The following SGCZ variants were observed in gnomAD, a reference collection of about 807,000 sequenced individuals.
The protein encoded by SGCZ is zeta-sarcoglycan.
SGCZ carries 40 observed loss-of-function variants against 41.3 expected under a neutral mutation model. The ratio of observed to expected loss-of-function variants is 0.97; its 90% CI spans 0.75 to 1.26. The LOEUF (loss-of-function observed/expected upper bound fraction) is 1.26, where lower values mean the gene tolerates loss of function less well. SGCZ is among the 50% of genes most tolerant of loss of function. SGCZ has a pLI of 0.00. For synonymous variants in SGCZ, 206 were observed against 137.5 expected (o/e 1.50, Z -3.49); for missense variants, 552 against 369.8 (o/e 1.49, Z -4.04).
intron 1 of SGCZ, among the ~76,000 whole-genome samples, chr8:15,174,918 T>C (rs1487768227): frequency 6.7e-6 from 1 of 150,162 alleles, no homozygotes; most frequent in Admixed American, 6.6e-5. Flanking sequence ...TTAATTCAAC[T>C]GTCATGGAAA....
intron 3 of SGCZ, among the ~76,000 whole-genome samples, chr8:14,266,174 T>C (rs986401868): frequency 3.3e-5 from 5 of 152,080 alleles, no homozygotes; most frequent in Admixed American, 2.6e-4. Flanking sequence ...TTAAGAGATA[T>C]CATAATCAAA....
chr8:14,768,203 T>G (rs1340340980), intron 1 of SGCZ, among the ~76,000 whole-genome samples: 1 of 152,222 alleles, frequency 6.6e-6, no homozygotes, highest in Non-Finnish European at 1.5e-5. Context: ...ATTTCTGACT[T>G]TATAAAATCC....
At chr8:15,014,905 G>C (rs576575355) in intron 1 of SGCZ, among the ~76,000 whole-genome samples, 13 of 152,276 alleles carry the variant, frequency 8.5e-5, no homozygotes, top group African/African-American at 3.1e-4. Context: ...GCAGCCTTCT[G>C]TAAAAACTAC....
chr8:14,784,397 G>T (rs767128027), intron 1 of SGCZ, among the ~76,000 whole-genome samples: 3 of 89,848 alleles, frequency 3.3e-5, no homozygotes, highest in African/African-American at 1.8e-4. Context: ...TTGATTTCAT[G>T]TCACATATAT....
At chr8:14,397,513 C>T (rs7816387) in intron 2 of SGCZ, among the ~76,000 whole-genome samples, 25,789 of 151,936 alleles carry the variant, frequency 0.17, 5,170 homozygotes, top group African/African-American at 0.48. Context: ...ATGTGAAAGA[C>T]GGAAGTAACT....
intron 3 of SGCZ, among the ~76,000 whole-genome samples, chr8:14,273,051 T>C (rs1038716769): frequency 6.6e-6 from 1 of 152,018 alleles, no homozygotes; most frequent in East Asian, 1.9e-4. Context: ...AGAAATTGTA[T>C]ACAAAATTTT....
chr8:14,918,160 C>A (rs549833424), intron 1 of SGCZ, among the ~76,000 whole-genome samples: 1 of 152,250 alleles, frequency 6.6e-6, no homozygotes, highest in African/African-American at 2.4e-5. Context: ...CCTCGTATTT[C>A]TTTCTTCTCC....
intron 1 of SGCZ, among the ~76,000 whole-genome samples, chr8:14,805,517 CA>C (rs963718861): frequency 7.3e-5 from 10 of 137,758 alleles, no homozygotes; most frequent in Non-Finnish European, 1.5e-4. Context: ...ATCAATTCAA[CA>C]AGAGGAGCTA....
chr8:14,251,946 G>A (rs772430773), intron 3 of SGCZ, among the ~76,000 whole-genome samples: 2 of 152,046 alleles, frequency 1.3e-5, no homozygotes, highest in Non-Finnish European at 2.9e-5. Flanking sequence ...CTGACCTTAG[G>A]TCATCCTCCC....
rs144744439 is a variant in SGCZ at position 14,283,454 on chromosome 8, A to C, written c.336+40649T>G. Among the ~76,000 whole-genome samples the C allele has an allele frequency of 9.6e-3, 1,460 of 152,030 alleles. 35 individuals carry two copies. Among genetic ancestry groups the C allele is most frequent in the African/African-American group, 0.033 (1,387 of 41,496 alleles). On this transcript the variant is annotated intron_variant, in intron 3 of 7. Coordinates refer to ENST00000382080, the MANE Select transcript of SGCZ (RefSeq NM_139167.4). Reference sequence around the variant, plus strand: ...TTCATTTCCTACTTAGAAAAATGTCATTATCCGTATGTGCTCTCGATTCTT... The same window carrying C: ...TTCATTTCCTACTTAGAAAAATGTCCTTATCCGTATGTGCTCTCGATTCTT...
chr8:15,074,625 C>T (rs1805465482), intron 1 of SGCZ, among the ~76,000 whole-genome samples: 1 of 152,098 alleles, frequency 6.6e-6, no homozygotes, highest in Non-Finnish European at 1.5e-5. Flanking sequence ...TCTCTCCTCT[C>T]CCACCATGAA....
intron 1 of SGCZ, among the ~76,000 whole-genome samples, chr8:15,020,762 T>C (rs920316252): frequency 6.6e-6 from 1 of 152,174 alleles, no homozygotes; most frequent in African/African-American, 2.4e-5. Flanking sequence ...TAATATACAG[T>C]GAAAAGTAGC....
rs529119572 is a variant in SGCZ, at chr8:14,459,424, T to A, written c.234+95308A>T. ...CTAAACCTTAAAGTATAATAAAAAATAAAATAAAAAATAAAAAAAGAAGAA... is the reference window on the plus strand; with the variant it reads ...CTAAACCTTAAAGTATAATAAAAAAAAAAATAAAAAATAAAAAAAGAAGAA... On this transcript the variant is annotated intron_variant, in intron 2 of 7. Coordinates refer to ENST00000382080, the MANE Select transcript of SGCZ (RefSeq NM_139167.4). Among the ~76,000 whole-genome samples the A allele has an allele frequency of 5.7e-3, 800 of 141,342 alleles. 5 individuals are homozygous for A. The highest frequency in any genetic ancestry group is 0.023 in the African/African-American group (742 of 31,818). 92.7% of individuals were successfully genotyped at this position (141,342 alleles called of 152,430 possible).
chr8:14,841,754 A>G (rs1289292064), intron 1 of SGCZ, among the ~76,000 whole-genome samples: 1 of 152,184 alleles, frequency 6.6e-6, no homozygotes, highest in Non-Finnish European at 1.5e-5. Flanking sequence ...ACATAAAATC[A>G]CAGAATATTA....
chr8:15,169,061 C>G (rs191483595), intron 1 of SGCZ, among the ~76,000 whole-genome samples: 2 of 152,274 alleles, frequency 1.3e-5, no homozygotes, highest in African/African-American at 4.8e-5. Flanking sequence ...TCTGTCTTTG[C>G]CTTCAGGCCA....
chr8:14,941,217 G>A (rs6991016), intron 1 of SGCZ, among the ~76,000 whole-genome samples: 24,916 of 151,826 alleles, frequency 0.16, 2,432 homozygotes, highest in East Asian at 0.37. Context: ...TTTGAAAAAC[G>A]CCAAGTTTTA....
At chr8:14,189,513 T>C (rs1479849826) in intron 4 of SGCZ, among the ~76,000 whole-genome samples, 1 of 152,196 alleles carries the variant, frequency 6.6e-6, no homozygotes, top group Non-Finnish European at 1.5e-5. Context: ...ACACAGGCTT[T>C]TACACTTTCT....
intron 2 of SGCZ, among the ~76,000 whole-genome samples, chr8:14,489,402 C>G (rs1172803723): frequency 6.6e-6 from 1 of 151,594 alleles, no homozygotes; most frequent in Non-Finnish European, 1.5e-5. Context: ...AAATATAATT[C>G]AAATAAGCAT....
chr8:15,021,476 C>A (rs942399100), intron 1 of SGCZ, among the ~76,000 whole-genome samples: 2 of 152,118 alleles, frequency 1.3e-5, no homozygotes, highest in African/African-American at 4.8e-5. Context: ...GGTTGTACAC[C>A]CCTCTGACTT....
Sources: allele counts gnomAD v4.1 joint callset (sites outside exome capture counted in the v4.1 genomes callset), GRCh38; gene constraint gnomAD v4.1.1; transcripts MANE v1.5; gene names NCBI Gene and HGNC (gene_info 2026-07-23, HGNC 2026-07-21).